PIK3R3: variants seen among roughly 807,000 people sequenced by gnomAD.
PIK3R3 encodes the protein phosphatidylinositol 3-kinase regulatory subunit gamma.
A neutral mutation model predicts 62.9 loss-of-function variants in PIK3R3; 64 were observed. The observed-to-expected ratio is 1.02, with a 90% CI of 0.83 to 1.25. PIK3R3 has a LOEUF of 1.25. Among genes scored for constraint, PIK3R3 ranks in the 50% most tolerant of loss-of-function variants. The pLI, the probability that PIK3R3 is intolerant of heterozygous loss-of-function variation, is 0.00. For missense variants in PIK3R3, 614 were observed against 561.6 expected, an observed-to-expected ratio of 1.09 and a Z score of -0.94; for synonymous variants, 165 against 189.0, an observed-to-expected ratio of 0.87 and a Z score of 1.04.
the PIK3R3 span, among the ~76,000 whole-genome samples, chr1:46,149,745 G>C: frequency 6.6e-5 from 10 of 152,036 alleles, no homozygotes; most frequent in Admixed American, 2.0e-4. Flanking sequence ...TGGCCAGGCT[G>C]ATCTCAAACT....
chr1:46,136,338 G>A (rs1207541824), upstream of PIK3R3, among the ~76,000 whole-genome samples: 1 of 152,152 alleles, frequency 6.6e-6, no homozygotes, highest in African/African-American at 2.4e-5. Flanking sequence ...AGTTTTGATG[G>A]AAAAGTTTGC....
the PIK3R3 span, among the ~76,000 whole-genome samples, chr1:46,154,884 A>C: frequency 2.0e-5 from 3 of 152,184 alleles, no homozygotes; most frequent in Non-Finnish European, 4.4e-5. Flanking sequence ...CACCTCCTCA[A>C]AATGACCTTC....
the PIK3R3 span, among the ~76,000 whole-genome samples, chr1:46,169,667 G>T: frequency 1.3e-5 from 2 of 152,032 alleles, no homozygotes; most frequent in African/African-American, 2.4e-5. Flanking sequence ...GCAAATGGGC[G>T]TGTGAGTAGA....
chr1:46,106,722 G>A (rs1223965595), intron 1 of PIK3R3, among the ~76,000 whole-genome samples: 3 of 152,122 alleles, frequency 2.0e-5, no homozygotes, highest in East Asian at 3.9e-4. Context: ...TGATACCCCA[G>A]GGATCAGCAA....
the PIK3R3 span, among the ~76,000 whole-genome samples, chr1:46,161,829 A>G: frequency 6.6e-6 from 1 of 152,250 alleles, no homozygotes; most frequent in African/African-American, 2.4e-5. Flanking sequence ...ACGGTGGCTC[A>G]AGCCTGTAAT....
At chr1:46,043,928 A>G in intron 9 of PIK3R3, 57 bp from the exon 10 acceptor site, 1 of 1,411,760 alleles carries the variant, frequency 7.1e-7, no homozygotes, top group East Asian at 2.4e-5. Context: ...ATAAAAGGAC[A>G]CTAAATGGCC....
Position 46,040,440 on chromosome 1 carries a change from A to G in PIK3R3, c.*3233T>C, listed in dbSNP as rs927300592. The G allele has an allele frequency of 4.3e-6, 1 of 230,910 alleles. No individual in the cohort carries two copies. Among genetic ancestry groups the G allele is most frequent in the Non-Finnish European group, 8.6e-6 (1 of 116,512 alleles). 14.3% of individuals were successfully genotyped at this position (230,910 alleles called of 1,614,324 possible). A position where few individuals can be genotyped will look rare whatever the true frequency, so the allele number is the denominator to read the frequency against. On this transcript the variant is annotated 3_prime_UTR_variant, in exon 10 of 10. Coordinates refer to ENST00000262741, the MANE Select transcript of PIK3R3 (RefSeq NM_003629.4). ...GGACACATCAAAGACAACAGAATAG[A>G]TTTTTCACAAGTAACGGCACCAAAG...
chr1:46,055,831 A>G lies in PIK3R3; in HGVS notation c.905T>C (p.Leu302Pro), dbSNP rs751250333. ...ATCTCGGATCTTTCGCAGCTGGATC[A>G]GGTCAGGTTTGATGCTATTCATTTT... is the stretch of plus-strand genomic sequence containing the variant. The part of the protein sequence containing the change: ...DKKMNSIKPD[L>P]IQLRKIRDQH... The change falls in exon 7 of 10, where the codon CTG (leucine) becomes CCG (proline). Residue 302 changes from leucine (L) to proline (P), a missense_variant. Transcript: ENST00000262741. 1 of 1,574,746 alleles carries G rather than the reference A, an allele frequency of 6.4e-7. No homozygotes were observed. The highest frequency in any genetic ancestry group is 8.6e-7 in the Non-Finnish European group (1 of 1,161,164).
At chr1:46,083,373 A>T (rs983851764) in intron 1 of PIK3R3, among the ~76,000 whole-genome samples, 1 of 152,230 alleles carries the variant, frequency 6.6e-6, no homozygotes, top group Non-Finnish European at 1.5e-5. Context: ...ACTGAAAATA[A>T]CAAACAAGAA....
chr1:46,131,903 T>C lies in PIK3R3; in HGVS notation c.50A>G (p.Glu17Gly). 1 of 1,613,342 alleles carries C rather than the reference T, an allele frequency of 6.2e-7. No homozygotes were observed. The highest frequency in any genetic ancestry group is 1.1e-5 in the South Asian group (1 of 91,054). The change falls in exon 1 of 10, where the codon GAG (glutamate) becomes GGG (glycine). Residue 17 changes from glutamate (E) to glycine (G), a missense_variant. Coordinates refer to ENST00000262741, the MANE Select transcript of PIK3R3 (RefSeq NM_003629.4). ...SMDRDDADWR[E>G]VMMPYSTELI... Reference sequence around the variant, plus strand: ...TTCTGTCGAATAGGGCATCATCACCTCCCTCCAGTCTGCGTCATCGCGGTC... The same window carrying C: ...TTCTGTCGAATAGGGCATCATCACCCCCCTCCAGTCTGCGTCATCGCGGTC...
intron 9 of PIK3R3, among the ~76,000 whole-genome samples, chr1:46,045,622 T>TA (rs1647091751): frequency 8.1e-6 from 1 of 122,920 alleles, no homozygotes; most frequent in Non-Finnish European, 1.7e-5. Context: ...AAGTGCTTTT[T>TA]TTTTTTTTTT....
chr1:46,172,732 C>T, the PIK3R3 span, among the ~76,000 whole-genome samples: 3 of 152,092 alleles, frequency 2.0e-5, no homozygotes, highest in Non-Finnish European at 4.4e-5. Flanking sequence ...GTGGCTCATG[C>T]CTGTAATCCC....
chr1:46,126,695 G>T (rs1317272636), intron 1 of PIK3R3, among the ~76,000 whole-genome samples: 1 of 151,812 alleles, frequency 6.6e-6, no homozygotes, highest in East Asian at 1.9e-4. Context: ...TGGCGCAGAG[G>T]GATGCTGAGG....
At chr1:46,056,080 T>C (rs1647879187) in intron 6 of PIK3R3, 109 bp from the exon 7 acceptor site, 1 of 663,838 alleles carries the variant, frequency 1.5e-6, no homozygotes, top group South Asian at 2.1e-5. Context: ...AGATTGAGTC[T>C]CGCTCTGTCA....
At chr1:46,087,885 C>T (rs1326733523) in intron 1 of PIK3R3, among the ~76,000 whole-genome samples, 2 of 152,154 alleles carry the variant, frequency 1.3e-5, no homozygotes, top group African/African-American at 4.8e-5. Context: ...ATTCTTCCTA[C>T]ATGAGGCTAC....
In PIK3R3 at chr1:46,043,878, T is replaced by C; in HGVS notation, c.1188-7A>G. 1.2e-6 allele frequency: 2 copies of C among 1,609,638 alleles called. No individual in the cohort carries two copies. The highest frequency in any genetic ancestry group is 1.7e-6 in the Non-Finnish European group (2 of 1,177,254). On this transcript the variant is annotated splice_region_variant and splice_polypyrimidine_tract_variant and intron_variant, in intron 9 of 9. Transcript: ENST00000262741. ...CTTCACTTCCCCATCGGCCCTGCAA[T>C]GACAAACCACAGAAGAAATGTTAAG...
chr1:46,162,046 C>A, the PIK3R3 span, among the ~76,000 whole-genome samples: 1 of 149,074 alleles, frequency 6.7e-6, no homozygotes, highest in Non-Finnish European at 1.5e-5. Context: ...GAGCCGAGAT[C>A]GCGCCACCGC....
intron 1 of PIK3R3, 96 bp from the exon 2 acceptor site, chr1:46,080,846 CTAA>C: frequency 1.4e-6 from 1 of 717,408 alleles, no homozygotes; most frequent in Admixed American, 2.3e-5. Context: ...TGTTAAGATT[CTAA>C]TAATTATCAA....
At chr1:46,070,772 G>A (rs7542465) in intron 3 of PIK3R3, among the ~76,000 whole-genome samples, 3,443 of 152,172 alleles carry the variant, frequency 0.023, 144 homozygotes, top group African/African-American at 0.079. Context: ...ATATTCACAT[G>A]GGTAATTTTA....
Sources: allele counts gnomAD v4.1 joint callset (sites outside exome capture counted in the v4.1 genomes callset), GRCh38; gene constraint gnomAD v4.1.1; transcripts MANE v1.5; gene names NCBI Gene and HGNC (gene_info 2026-07-23, HGNC 2026-07-21).